ZNF804A: variants seen among roughly 807,000 people sequenced by gnomAD.
The protein encoded by ZNF804A is zinc finger protein 804A.
In ZNF804A, 2 loss-of-function variants were observed where a neutral mutation model predicts 16.5. The ratio of observed to expected loss-of-function variants is 0.12; its 90% CI spans 0.05 to 0.38. The LOEUF (loss-of-function observed/expected upper bound fraction) is 0.38, where lower values mean the gene tolerates loss of function less well. Ranked by LOEUF, ZNF804A falls within the 10% of genes least tolerant of loss-of-function variation. ZNF804A has a pLI of 0.99. For synonymous variants in ZNF804A, 534 were observed against 489.6 expected (o/e 1.09, Z -1.20); for missense variants, 1,473 against 1,390.7 (o/e 1.06, Z -0.94).
At chr2:184,806,055 TA>T (rs562855833) in intron 1 of ZNF804A, among the ~76,000 whole-genome samples, 2 of 151,712 alleles carry the variant, frequency 1.3e-5, no homozygotes, top group South Asian at 2.1e-4. Context: ...CAAAGGAAGT[TA>T]AAAAAAATCC....
At position 184,938,938 on chromosome 2, in the gene ZNF804A, A is replaced by G; in HGVS notation, c.3542A>G (p.His1181Arg). ...CCAGCTTCCGTTCTTCATCCTAGCCATCTGGCTTTCCCATCTTTACCCCAT... is the reference window on the plus strand; with the variant it reads ...CCAGCTTCCGTTCTTCATCCTAGCCGTCTGGCTTTCCCATCTTTACCCCAT... ...IIPASVLHPS[H>R]LAFPSLPHAL... The change falls in exon 4 of 4, where the codon CAT becomes CGT. Residue 1181 changes from histidine (H) to arginine (R), a missense_variant. Coordinates refer to ENST00000302277, the MANE Select transcript of ZNF804A (RefSeq NM_194250.2). 1 of 1,613,582 alleles carries G rather than the reference A, an allele frequency of 6.2e-7. No homozygotes were observed. The highest frequency in any genetic ancestry group is 8.5e-7 in the Non-Finnish European group (1 of 1,179,862).
At chr2:184,603,686 G>C (rs1387008286) in intron 1 of ZNF804A, among the ~76,000 whole-genome samples, 2 of 152,180 alleles carry the variant, frequency 1.3e-5, no homozygotes, top group Non-Finnish European at 2.9e-5. Context: ...AGAGAGCTCA[G>C]GGGTGAGGGT....
chr2:184,783,146 T>TTG (rs1553478126), intron 1 of ZNF804A, among the ~76,000 whole-genome samples: 6,637 of 132,988 alleles, frequency 0.05, 221 homozygotes, highest in Middle Eastern at 0.078. Context: ...GAGTTTTTTT[T>TTG]TTTTTTTTTT....
rs1404691439 is a variant in ZNF804A at position 184,875,929 on chromosome 2, C to T, written c.255+9417C>T. Among the ~76,000 whole-genome samples the T allele has an allele frequency of 2.6e-5, 4 of 152,108 alleles. No homozygotes were observed. In the South Asian group the frequency reaches 6.2e-4, roughly 24 times the overall value. On this transcript the variant is annotated intron_variant, in intron 2 of 3. Coordinates refer to ENST00000302277, the MANE Select transcript of ZNF804A (RefSeq NM_194250.2). The stretch of plus-strand genomic sequence containing the variant: ...TATTTTCCCTGTAAGAGATTTGTCA[C>T]ACTGATGCTTTGAAGAGATAGAAAA...
intron 1 of ZNF804A, among the ~76,000 whole-genome samples, chr2:184,719,397 T>G (rs1347938040): frequency 2.6e-5 from 4 of 152,164 alleles, no homozygotes; most frequent in Non-Finnish European, 1.5e-5. Context: ...ATTTGGCTCC[T>G]CATTCATTAT....
At chr2:184,808,323 CT>C (rs1237355611) in intron 1 of ZNF804A, among the ~76,000 whole-genome samples, 1 of 151,266 alleles carries the variant, frequency 6.6e-6, no homozygotes, top group Non-Finnish European at 1.5e-5. Flanking sequence ...AAAGCCAAAA[CT>C]TTTTTGAAAA....
chr2:184,724,325 A>G (rs1693368114), intron 1 of ZNF804A, among the ~76,000 whole-genome samples: 1 of 151,730 alleles, frequency 6.6e-6, no homozygotes, highest in African/African-American at 2.4e-5. Flanking sequence ...ATGTACATTT[A>G]TTTGTCTTAA....
At chr2:184,744,177 C>T (rs1326782635) in intron 1 of ZNF804A, among the ~76,000 whole-genome samples, 1 of 151,750 alleles carries the variant, frequency 6.6e-6, no homozygotes, top group African/African-American at 2.4e-5. Context: ...TACTTTTCTG[C>T]TCTTCATTTT....
At chr2:184,807,274 A>G (rs1013437493) in intron 1 of ZNF804A, among the ~76,000 whole-genome samples, 1 of 151,906 alleles carries the variant, frequency 6.6e-6, no homozygotes, top group Non-Finnish European at 1.5e-5. Context: ...TAAGGTAGTT[A>G]TTAAAATAAT....
chr2:184,712,239 T>A (rs182265213), intron 1 of ZNF804A, among the ~76,000 whole-genome samples: 1 of 151,904 alleles, frequency 6.6e-6, no homozygotes, highest in East Asian at 1.9e-4. Flanking sequence ...AAGTGGGTGA[T>A]CTTCCTGCCT....
intron 1 of ZNF804A, among the ~76,000 whole-genome samples, chr2:184,721,390 A>G (rs571796280): frequency 6.6e-6 from 1 of 152,268 alleles, no homozygotes; most frequent in South Asian, 2.1e-4. Context: ...AGCTGAAACA[A>G]CAGTAAAAAA....
chr2:184,824,278 A>G (rs566902438), intron 1 of ZNF804A, among the ~76,000 whole-genome samples: 2 of 152,278 alleles, frequency 1.3e-5, no homozygotes, highest in South Asian at 4.1e-4. Context: ...GACAATATAT[A>G]TTTTTTAAAT....
intron 1 of ZNF804A, among the ~76,000 whole-genome samples, chr2:184,852,878 A>T (rs547757143): frequency 6.6e-6 from 1 of 151,856 alleles, no homozygotes; most frequent in African/African-American, 2.4e-5. Context: ...AATTAGTGTG[A>T]TGCCTCCATC....
intron 1 of ZNF804A, among the ~76,000 whole-genome samples, chr2:184,680,019 A>G (rs114923318): frequency 0.016 from 2,400 of 152,296 alleles, 55 homozygotes; most frequent in African/African-American, 0.052. Flanking sequence ...ACCAATCAGC[A>G]CACACTTTTT....
chr2:184,933,151 A>T (rs1220797319), intron 2 of ZNF804A, among the ~76,000 whole-genome samples: 1 of 152,000 alleles, frequency 6.6e-6, no homozygotes, highest in Non-Finnish European at 1.5e-5. Context: ...ACGCACACAC[A>T]CACACACACA....
rs111510601 is a variant in ZNF804A, at chr2:184,935,934, G to T, written c.538G>T (p.Ala180Ser). The stretch of plus-strand genomic sequence containing the variant: ...TCATAGTGAAGAGAATACTAAAGAT[G>T]CTACCACTGTTGCTGAAGATCCAGA... The part of the protein sequence containing the change: ...LIHSEENTKD[A>S]TTVAEDPESA... The change falls in exon 4 of 4, where the codon GCT becomes TCT. Residue 180 changes from alanine (A) to serine (S), a missense_variant. Physicochemically the swap from Ala to Ser is moderately conservative, Grantham distance 99 (BLOSUM62 1). Coordinates refer to ENST00000302277, the MANE Select transcript of ZNF804A (RefSeq NM_194250.2). The T allele has an allele frequency of 6.2e-7, 1 of 1,613,760 alleles. No individual in the cohort carries two copies. Among genetic ancestry groups the T allele is most frequent in the Non-Finnish European group, 8.5e-7 (1 of 1,179,900 alleles).
intron 2 of ZNF804A, among the ~76,000 whole-genome samples, chr2:184,912,224 G>A (rs1029082309): frequency 3.3e-5 from 5 of 151,950 alleles, no homozygotes; most frequent in African/African-American, 1.2e-4. Flanking sequence ...TCTGAATATT[G>A]CATGTAAATT....
rs578247508 is a variant in ZNF804A, at chr2:184,815,748, C to T, written c.112-50621C>T. Among the ~76,000 whole-genome samples the T allele has an allele frequency of 4.6e-5, 7 of 151,840 alleles. No homozygotes were observed. In the East Asian group the frequency reaches 7.7e-4, roughly 17 times the overall value. ...TGTTATATAAAATGAATATACTAAC[C>T]TTAAAAATAATCGCAACATGTAATA... On this transcript the variant is annotated intron_variant, in intron 1 of 3. Coordinates refer to ENST00000302277, the MANE Select transcript of ZNF804A (RefSeq NM_194250.2).
At chr2:184,887,329 T>G (rs766643637) in intron 2 of ZNF804A, among the ~76,000 whole-genome samples, 3 of 152,218 alleles carry the variant, frequency 2.0e-5, no homozygotes, top group Non-Finnish European at 4.4e-5. Context: ...TTGGGCCAAG[T>G]CATTCAACAA....
Sources: gnomAD v4.1 joint callset for allele counts (sites outside exome capture counted in the v4.1 genomes callset) on GRCh38, gnomAD v4.1.1 for gene constraint, MANE v1.5 for transcripts, NCBI Gene and HGNC (gene_info 2026-07-23, HGNC 2026-07-21) for gene names.